The following GRIN2B variants were observed in gnomAD, a reference collection of about 807,000 sequenced individuals.
GRIN2B encodes the protein glutamate ionotropic receptor NMDA type subunit 2B, also known as glutamate receptor ionotropic, NMDA 2B.
Under a neutral mutation model 114.5 loss-of-function variants are expected in GRIN2B, and 5 were observed. That is an observed-to-expected ratio of 0.04 (90% CI 0.02 to 0.09). The LOEUF is 0.09. Among genes scored for constraint, GRIN2B ranks in the 10% least tolerant of loss-of-function variants. The pLI is 1.00. For missense variants in GRIN2B, 1,108 were observed against 1,943.5 expected (o/e 0.57, Z 8.08); for synonymous variants, 787 against 745.1 (o/e 1.06, Z -0.92).
chr12:13,665,699 T>C (rs954992412), intron 5 of GRIN2B, among the ~76,000 whole-genome samples: 7 of 152,166 alleles, frequency 4.6e-5, no homozygotes, highest in Admixed American at 3.9e-4. Flanking sequence ...AATGGGATCA[T>C]ATATGCTAAA....
At chr12:13,695,057 A>G (rs907573885) in intron 4 of GRIN2B, among the ~76,000 whole-genome samples, 4 of 152,158 alleles carry the variant, frequency 2.6e-5, no homozygotes, top group Non-Finnish European at 5.9e-5. Flanking sequence ...TTGCTGTTCT[A>G]TGGAAAGCTG....
intron 3 of GRIN2B, among the ~76,000 whole-genome samples, chr12:13,860,760 A>G (rs999040921): frequency 6.6e-6 from 1 of 152,198 alleles, no homozygotes; most frequent in Non-Finnish European, 1.5e-5. Context: ...CCTGATCAAC[A>G]TGTCTATTTC....
intron 3 of GRIN2B, among the ~76,000 whole-genome samples, chr12:13,799,248 AG>A (rs748115121): frequency 1.3e-5 from 2 of 152,202 alleles, no homozygotes; most frequent in African/African-American, 2.4e-5. Context: ...GTCCCCACAC[AG>A]GGCCAAAGGC....
chr12:13,844,102 C>T (rs987869316), intron 3 of GRIN2B, among the ~76,000 whole-genome samples: 1 of 152,146 alleles, frequency 6.6e-6, no homozygotes, highest in African/African-American at 2.4e-5. Flanking sequence ...CCATTTAGAG[C>T]TTTATTCAGA....
At chr12:13,850,427 C>G (rs571021650) in intron 3 of GRIN2B, among the ~76,000 whole-genome samples, 5 of 152,160 alleles carry the variant, frequency 3.3e-5, no homozygotes, top group Non-Finnish European at 5.9e-5. Context: ...TTGAAGGTCT[C>G]AGGTTCACTC....
Position 13,562,763 on chromosome 12 carries a change from T to C in GRIN2B, c.*20A>G, listed in dbSNP as rs1565452380. 1.2e-6 allele frequency: 2 copies of C among 1,607,048 alleles called. No homozygotes were observed. The highest frequency in any genetic ancestry group is 2.2e-5 in the South Asian group (2 of 90,936). On this transcript the variant is annotated 3_prime_UTR_variant, in exon 14 of 14. Coordinates refer to ENST00000609686, the MANE Select transcript of GRIN2B (RefSeq NM_000834.5). The stretch of plus-strand genomic sequence containing the variant: ...CAGCCTTACCCTCCCGTACCCACCT[T>C]AACCTCTCTGTTCCCTCACTCAGAC...
chr12:13,656,064 G>T (rs1159511640), intron 5 of GRIN2B, among the ~76,000 whole-genome samples: 1 of 139,446 alleles, frequency 7.2e-6, no homozygotes, highest in Non-Finnish European at 1.5e-5. Context: ...CTGCCTGTCA[G>T]TTCTCTCCAC....
intron 5 of GRIN2B, among the ~76,000 whole-genome samples, chr12:13,666,002 A>C (rs1226265040): frequency 6.6e-6 from 1 of 152,198 alleles, no homozygotes; most frequent in East Asian, 1.9e-4. Context: ...TTATTTCAGG[A>C]AGAGTCAAAG....
At chr12:13,626,843 A>G in intron 5 of GRIN2B, among the ~76,000 whole-genome samples, 1 of 11,328 alleles carries the variant, frequency 8.8e-5, no homozygotes, top group Non-Finnish European at 1.7e-4. Context: ...CCCCCTCACC[A>G]TAGCTCTTTA....
chr12:13,959,664 G>A (rs1407103032), intron 2 of GRIN2B, among the ~76,000 whole-genome samples: 1 of 152,150 alleles, frequency 6.6e-6, no homozygotes, highest in African/African-American at 2.4e-5. Flanking sequence ...ACTGGTGCCA[G>A]GACAGTGTGC....
At chr12:13,808,909 T>C (rs1228137436) in intron 3 of GRIN2B, among the ~76,000 whole-genome samples, 1 of 151,822 alleles carries the variant, frequency 6.6e-6, no homozygotes, top group African/African-American at 2.4e-5. Flanking sequence ...AAAAACAGCT[T>C]AATAACAGAT....
At chr12:13,573,010 G>A (rs1402781537) in intron 10 of GRIN2B, among the ~76,000 whole-genome samples, 9 of 125,392 alleles carry the variant, frequency 7.2e-5, no homozygotes, top group African/African-American at 1.9e-4. Flanking sequence ...AAACAGATAC[G>A]GATTGAAGAC....
At chr12:13,635,653 C>G (rs1342307210) in intron 5 of GRIN2B, among the ~76,000 whole-genome samples, 1 of 152,168 alleles carries the variant, frequency 6.6e-6, no homozygotes, top group Non-Finnish European at 1.5e-5. Context: ...GGCTTTCTAA[C>G]TTGGTGCCCT....
At chr12:13,608,176 A>C (rs1303691287) in intron 10 of GRIN2B, among the ~76,000 whole-genome samples, 2 of 152,188 alleles carry the variant, frequency 1.3e-5, no homozygotes, top group African/African-American at 4.8e-5. Flanking sequence ...GTGCACCGGA[A>C]CCAAGGGAGA....
At position 13,563,003 on chromosome 12, in the gene GRIN2B, G is replaced by T. The variant is rs1314346300; in HGVS notation, c.4235C>A (p.Ala1412Glu). 1.1e-5 allele frequency: 17 copies of T among 1,613,318 alleles called. No homozygotes were observed. The highest frequency in any genetic ancestry group is 1.4e-5 in the Non-Finnish European group (16 of 1,179,424). The change falls in exon 14 of 14, where the codon GCG becomes GAG. Residue 1412 changes from alanine (A) to glutamate (E), a missense_variant. By Grantham distance (107) the Ala-to-Glu change is moderately radical (BLOSUM62 -1). Transcript: ENST00000609686. ...KSYFFRQPTVAGASKARPDFR... is the reference protein window; with the variant it reads ...KSYFFRQPTVEGASKARPDFR... ...GTCCGGCCTGGCTTTCGACGCCCCCGCCACCGTGGGCTGCCTGAAGAAGTA... is the reference window on the plus strand; with the variant it reads ...GTCCGGCCTGGCTTTCGACGCCCCCTCCACCGTGGGCTGCCTGAAGAAGTA...
At chr12:13,871,429 C>CT (rs1865904778) in intron 2 of GRIN2B, among the ~76,000 whole-genome samples, 1 of 149,294 alleles carries the variant, frequency 6.7e-6, no homozygotes, top group Non-Finnish European at 1.5e-5. Context: ...AAAAGGAAAT[C>CT]ATAAGGGAAA....
intron 10 of GRIN2B, among the ~76,000 whole-genome samples, chr12:13,572,979 A>AAGAGTTT (rs1390932548): frequency 1.3e-5 from 2 of 150,118 alleles, no homozygotes; most frequent in Non-Finnish European, 3.0e-5. Flanking sequence ...TGTCATCATT[A>AAGAGTTT]AGAGTTTAAA....
rs945976977 is a variant in GRIN2B at position 13,559,350 on chromosome 12, C to T, written c.*3433G>A. The stretch of plus-strand genomic sequence containing the variant: ...GATAGGAAAAAATGTAGTGAATATA[C>T]TGGGTAAATGGATTTGGAAATTTTA... On this transcript the variant is annotated 3_prime_UTR_variant, in exon 14 of 14. Transcript: ENST00000609686. 4 of 152,182 alleles carry T rather than the reference C, an allele frequency of 2.6e-5. No individual in the cohort carries two copies. Among genetic ancestry groups the T allele is most frequent in the African/African-American group, 9.6e-5 (4 of 41,458 alleles). 9.4% of individuals were successfully genotyped at this position (152,182 alleles called of 1,614,324 possible).
At chr12:13,726,627 C>G (rs1407760678) in intron 4 of GRIN2B, among the ~76,000 whole-genome samples, 1 of 146,836 alleles carries the variant, frequency 6.8e-6, no homozygotes, top group Non-Finnish European at 1.5e-5. Flanking sequence ...TTTCTATTAA[C>G]TTTTTCTTCT....
Sources: gnomAD v4.1 joint callset for allele counts (sites outside exome capture counted in the v4.1 genomes callset) on GRCh38, gnomAD v4.1.1 for gene constraint, MANE v1.5 for transcripts, NCBI Gene and HGNC (gene_info 2026-07-23, HGNC 2026-07-21) for gene names.